The following ARSB variants were observed in gnomAD, a reference collection of about 807,000 sequenced individuals.
ARSB encodes the protein arylsulfatase B, also known as N-acetylgalactosamine-4-sulfatase.
A neutral mutation model predicts 50.9 loss-of-function variants in ARSB; 41 were observed. The ratio of observed to expected loss-of-function variants is 0.81; its 90% CI spans 0.63 to 1.04. The LOEUF is 1.04. ARSB is among the 50% of genes least tolerant of loss of function. ARSB has a pLI of 0.00. For missense variants in ARSB, 672 were observed against 693.3 expected, an observed-to-expected ratio of 0.97 and a Z score of 0.35; for synonymous variants, 269 against 284.8, an observed-to-expected ratio of 0.94 and a Z score of 0.56.
intron 4 of ARSB, among the ~76,000 whole-genome samples, chr5:78,943,208 T>C (rs147231170): frequency 0.035 from 5,305 of 152,298 alleles, 294 homozygotes; most frequent in African/African-American, 0.12. Context: ...GAATACAGCA[T>C]ACTGATGGGT....
intron 5 of ARSB, among the ~76,000 whole-genome samples, chr5:78,849,851 G>C (rs1473163539): frequency 1.2e-4 from 18 of 149,738 alleles, no homozygotes; most frequent in African/African-American, 4.4e-4. Context: ...CTCATGATTT[G>C]GCTCTCTGTT....
chr5:78,944,162 T>G lies in ARSB; in HGVS notation c.898+11133A>C, dbSNP rs575745195. 2.5e-4 allele frequency among the ~76,000 whole-genome samples: 38 copies of G among 152,328 alleles called. No homozygotes were observed. The East Asian group carries it at 4.4e-3, about 18-fold the overall frequency. On this transcript the variant is annotated intron_variant, in intron 4 of 7. Coordinates refer to ENST00000264914, the MANE Select transcript of ARSB (RefSeq NM_000046.5). Reference sequence around the variant, plus strand: ...TTAAGGACTTCTCTGCATTGGTTATTCTAGTTAGCCATTCATCTAATCTTT... The same window carrying G: ...TTAAGGACTTCTCTGCATTGGTTATGCTAGTTAGCCATTCATCTAATCTTT...
At chr5:78,951,161 T>G (rs1435823553) in intron 4 of ARSB, among the ~76,000 whole-genome samples, 1 of 152,154 alleles carries the variant, frequency 6.6e-6, no homozygotes. Context: ...GGAGGATCAC[T>G]TGAGCCCAGG....
intron 6 of ARSB, among the ~76,000 whole-genome samples, chr5:78,818,521 C>T (rs781696965): frequency 1.3e-4 from 19 of 151,498 alleles, no homozygotes; most frequent in South Asian, 2.1e-4. Context: ...GAATCTTGCA[C>T]GGTTCGCATT....
chr5:78,951,821 A>G (rs764425421), intron 4 of ARSB, among the ~76,000 whole-genome samples: 4 of 152,228 alleles, frequency 2.6e-5, no homozygotes, highest in Admixed American at 6.5e-5. Flanking sequence ...AGATCTTTCC[A>G]ACATTCTATA....
At chr5:78,811,642 A>G (rs913760685) in intron 6 of ARSB, among the ~76,000 whole-genome samples, 2 of 152,250 alleles carry the variant, frequency 1.3e-5, no homozygotes, top group Non-Finnish European at 2.9e-5. Flanking sequence ...GCGGCTCAAC[A>G]TAAAGCAGAT....
chr5:78,865,107 A>ACGAGGGGGTGTC, intron 5 of ARSB, among the ~76,000 whole-genome samples: 1 of 47,080 alleles, frequency 2.1e-5, no homozygotes, highest in African/African-American at 8.7e-5. Context: ...TCACAGCTCC[A>ACGAGGGGGTGTC]CTAGGACTCC....
At chr5:78,963,190 C>T (rs1292063889) in intron 3 of ARSB, among the ~76,000 whole-genome samples, 2 of 152,166 alleles carry the variant, frequency 1.3e-5, no homozygotes, top group Non-Finnish European at 2.9e-5. Context: ...TCTCTCCTCT[C>T]CTGCCATGTG....
chr5:78,955,214 C>T (rs1378927301), intron 4 of ARSB, 81 bp downstream of exon 4: 4 of 1,422,596 alleles, frequency 2.8e-6, no homozygotes, highest in African/African-American at 2.8e-5. Flanking sequence ...ATGCTAACCG[C>T]TCCAATTTGT....
chr5:78,894,300 A>G (rs538476458), intron 4 of ARSB, among the ~76,000 whole-genome samples: 42 of 152,376 alleles, frequency 2.8e-4, no homozygotes, highest in African/African-American at 9.1e-4. Context: ...GAAAGCTAGC[A>G]CATTCTATCT....
intron 4 of ARSB, among the ~76,000 whole-genome samples, chr5:78,922,696 T>C (rs1000931142): frequency 7.3e-5 from 11 of 151,386 alleles, no homozygotes; most frequent in Admixed American, 6.6e-4. Flanking sequence ...CGGACTTTTG[T>C]CTTGCAGCTT....
chr5:78,927,691 T>G (rs1188737614), intron 4 of ARSB, among the ~76,000 whole-genome samples: 1 of 152,174 alleles, frequency 6.6e-6, no homozygotes, highest in African/African-American at 2.4e-5. Flanking sequence ...TTGGAGAGAC[T>G]GTATGCAGCT....
At chr5:78,862,321 A>C (rs184873539) in intron 5 of ARSB, among the ~76,000 whole-genome samples, 119 of 152,330 alleles carry the variant, frequency 7.8e-4, no homozygotes, top group Non-Finnish European at 1.2e-3. Flanking sequence ...ATCCTAAGCC[A>C]AAAGAACAAA....
chr5:78,861,949 C>T (rs192754527), intron 5 of ARSB, among the ~76,000 whole-genome samples: 1 of 152,140 alleles, frequency 6.6e-6, no homozygotes, highest in Non-Finnish European at 1.5e-5. Flanking sequence ...GCAAAAATCA[C>T]AAGCATTCCT....
At chr5:78,877,106 C>T (rs1225802316) in intron 5 of ARSB, among the ~76,000 whole-genome samples, 1 of 152,016 alleles carries the variant, frequency 6.6e-6, no homozygotes, top group Admixed American at 6.6e-5. Context: ...ACTCACAACA[C>T]GGGAAAGAAC....
At chr5:78,865,315 A>G (rs1746668396) in intron 5 of ARSB, among the ~76,000 whole-genome samples, 1 of 152,204 alleles carries the variant, frequency 6.6e-6, no homozygotes, top group Admixed American at 6.5e-5. Flanking sequence ...GGAAGCTGCC[A>G]AGGCTTGGGG....
intron 6 of ARSB, among the ~76,000 whole-genome samples, chr5:78,782,225 G>A (rs955846473): frequency 1.3e-5 from 2 of 152,146 alleles, no homozygotes; most frequent in African/African-American, 4.8e-5. Context: ...CCTTAAAATC[G>A]CTATGTTCTG....
intron 3 of ARSB, among the ~76,000 whole-genome samples, chr5:78,960,147 T>C (rs1287123043): frequency 1.3e-5 from 2 of 152,232 alleles, no homozygotes; most frequent in Non-Finnish European, 2.9e-5. Flanking sequence ...CATGAAATCA[T>C]TACTAAATAT....
intron 5 of ARSB, among the ~76,000 whole-genome samples, chr5:78,854,382 AAC>A (rs1184656461): frequency 9.9e-5 from 15 of 152,170 alleles, no homozygotes; most frequent in Admixed American, 9.8e-4. Flanking sequence ...TTTTCCTCTT[AAC>A]ACTTCTTTTG....
Sources: allele counts gnomAD v4.1 joint callset (sites outside exome capture counted in the v4.1 genomes callset), GRCh38; gene constraint gnomAD v4.1.1; transcripts MANE v1.5; gene names NCBI Gene and HGNC (gene_info 2026-07-23, HGNC 2026-07-21).